ACACA: variants seen among roughly 807,000 people sequenced by gnomAD.
The protein encoded by ACACA is acetyl-CoA carboxylase 1.
A neutral mutation model predicts 296.1 loss-of-function variants in ACACA; 103 were observed. The ratio of observed to expected loss-of-function variants is 0.35; its 90% confidence interval spans 0.30 to 0.41. ACACA has a LOEUF of 0.41. ACACA is among the 10% of genes least tolerant of loss of function. ACACA has a pLI of 1.00. For missense variants in ACACA, 1,554 were observed against 2,989.7 expected (o/e 0.52, Z 11.20); for synonymous variants, 953 against 1,038.6 (o/e 0.92, Z 1.58).
chr17:37,403,100 C>G (rs1368307958), intron 1 of ACACA, among the ~76,000 whole-genome samples: 1 of 152,164 alleles, frequency 6.6e-6, no homozygotes, highest in Non-Finnish European at 1.5e-5. Context: ...GACACACAGC[C>G]AAATAAACAA....
chr17:37,223,709 G>C, intron 27 of ACACA, 108 bp from the exon 28 acceptor site: 1 of 809,578 alleles, frequency 1.2e-6, no homozygotes, highest in Non-Finnish European at 2.1e-6. Context: ...TTTTGTCTCT[G>C]AATGCCATAA....
chr17:37,282,365 T>C (rs1053630754), intron 5 of ACACA, among the ~76,000 whole-genome samples: 3 of 152,222 alleles, frequency 2.0e-5, no homozygotes, highest in Admixed American at 1.3e-4. Flanking sequence ...GTAAAGCCTG[T>C]AGAATTGTGA....
rs115269431 is a variant in ACACA at position 37,372,027 on chromosome 17, G to A, written c.39-32177C>T. Among the ~76,000 whole-genome samples, 917 of 152,230 alleles carry A rather than the reference G, an allele frequency of 6.0e-3. 6 individuals carry two copies. The highest frequency in any genetic ancestry group is 0.021 in the African/African-American group (866 of 41,532). On this transcript the variant is annotated intron_variant, in intron 1 of 55. Transcript: ENST00000616317. ...GAGCCAGGAGTTCAAGACCAGCTTCGGCAACATACTGAGACCCTGCCTCCA... is the reference window on the plus strand; with the variant it reads ...GAGCCAGGAGTTCAAGACCAGCTTCAGCAACATACTGAGACCCTGCCTCCA...
chr17:37,254,960 G>A (rs1350465599), intron 14 of ACACA, among the ~76,000 whole-genome samples: 1 of 152,074 alleles, frequency 6.6e-6, no homozygotes, highest in Non-Finnish European at 1.5e-5. Context: ...AATTAGCCAG[G>A]CATGGTGGCA....
chr17:37,166,469 T>G (rs1280996431), intron 41 of ACACA, among the ~76,000 whole-genome samples: 1 of 152,178 alleles, frequency 6.6e-6, no homozygotes, highest in Non-Finnish European at 1.5e-5. Flanking sequence ...TGAAAAATAC[T>G]TAACACCAAG....
intron 14 of ACACA, among the ~76,000 whole-genome samples, chr17:37,254,690 A>G (rs1192886134): frequency 6.6e-6 from 1 of 152,008 alleles, no homozygotes; most frequent in Non-Finnish European, 1.5e-5. Context: ...TGTTGAATAC[A>G]ATGAATGAAT....
At position 37,179,194 on chromosome 17, in the gene ACACA, C is replaced by T. The variant is rs1198670461; in HGVS notation, c.5079+66G>A. ...ATGCTCCAGTGCTATTTAATGACCACCTCACAGAAAGCTGGTACTAGTGGG... is the reference window on the plus strand; with the variant it reads ...ATGCTCCAGTGCTATTTAATGACCATCTCACAGAAAGCTGGTACTAGTGGG... On this transcript the variant is annotated intron_variant, in intron 41 of 55. Coordinates refer to ENST00000616317, the MANE Select transcript of ACACA (RefSeq NM_198834.3). 2.5e-6 allele frequency: 4 copies of T among 1,596,036 alleles called. No individual in the cohort carries two copies. In the East Asian group the frequency reaches 8.9e-5, roughly 36 times the overall value.
chr17:37,265,038 G>A (rs1276886899), intron 10 of ACACA, among the ~76,000 whole-genome samples: 1 of 152,188 alleles, frequency 6.6e-6, no homozygotes, highest in African/African-American at 2.4e-5. Flanking sequence ...AATGCAGGTG[G>A]CTTCTCATCC....
intron 54 of ACACA, among the ~76,000 whole-genome samples, chr17:37,095,811 A>G (rs1342957772): frequency 1.3e-5 from 2 of 152,252 alleles, no homozygotes; most frequent in African/African-American, 4.8e-5. Context: ...AATAAACAGA[A>G]ATAAAAGTTC....
Position 37,191,721 on chromosome 17 carries a change from A to T in ACACA, c.4416+369T>A, listed in dbSNP as rs750075636. On this transcript the variant is annotated intron_variant, in intron 37 of 55. Coordinates refer to ENST00000616317, the MANE Select transcript of ACACA (RefSeq NM_198834.3). ...GTACAATGGGATCACCTCTTTCCTA[A>T]CTTATCTCCTTATGCTCTACCATCA... 1.8e-4 allele frequency among the ~76,000 whole-genome samples: 28 copies of T among 152,190 alleles called. 1 individual carries two copies. In the South Asian group the frequency reaches 3.1e-3, roughly 17 times the overall value.
chr17:37,090,895 CAA>C (rs2142513880), intron 54 of ACACA, among the ~76,000 whole-genome samples: 2 of 150,704 alleles, frequency 1.3e-5, no homozygotes, highest in East Asian at 3.9e-4. Context: ...AAAAATAAAA[CAA>C]TAAATGCTTC....
intron 50 of ACACA, among the ~76,000 whole-genome samples, chr17:37,119,895 C>CTTTTT (rs36029062): frequency 6.0e-5 from 8 of 134,406 alleles, no homozygotes; most frequent in Admixed American, 1.5e-4. Context: ...TTCTTTCTTT[C>CTTTTT]TTTTTTTTTT....
intron 52 of ACACA, among the ~76,000 whole-genome samples, chr17:37,108,712 A>G (rs913883841): frequency 6.6e-6 from 1 of 152,134 alleles, no homozygotes; most frequent in African/African-American, 2.4e-5. Flanking sequence ...AACACAGTCA[A>G]TCAGTTGTGC....
At chr17:37,355,063 G>A (rs1204978862) in intron 1 of ACACA, among the ~76,000 whole-genome samples, 1 of 151,272 alleles carries the variant, frequency 6.6e-6, no homozygotes, top group Non-Finnish European at 1.5e-5. Context: ...GGCCAATATG[G>A]TGAAACCCCA....
chr17:37,276,921 A>AAAG, intron 7 of ACACA, 112 bp downstream of exon 7: 4 of 925,356 alleles, frequency 4.3e-6, no homozygotes, highest in Non-Finnish European at 5.4e-6. Flanking sequence ...GGGAAAAAAA[A>AAAG]AGAGAGAGAG....
chr17:37,200,272 A>C, intron 34 of ACACA, 89 bp from the exon 35 acceptor site: 4 of 1,374,518 alleles, frequency 2.9e-6, no homozygotes, highest in Non-Finnish European at 4.1e-6. Context: ...AAAGATGATG[A>C]GTTAAACTAA....
intron 39 of ACACA, among the ~76,000 whole-genome samples, chr17:37,186,255 A>G (rs1251269247): frequency 6.6e-6 from 1 of 152,244 alleles, no homozygotes; most frequent in African/African-American, 2.4e-5. Flanking sequence ...AAATTATTTT[A>G]GAAAATAATT....
chr17:37,352,000 G>C (rs539222323), intron 1 of ACACA, among the ~76,000 whole-genome samples: 1 of 148,994 alleles, frequency 6.7e-6, no homozygotes, highest in South Asian at 2.1e-4. Context: ...GCGCAATCTC[G>C]GCTCACTGCA....
chr17:37,237,129 T>C (rs1019324180), intron 24 of ACACA, among the ~76,000 whole-genome samples: 1 of 152,216 alleles, frequency 6.6e-6, no homozygotes, highest in Non-Finnish European at 1.5e-5. Context: ...ATGGAATCAC[T>C]GTACCATTTC....
Sources: gnomAD v4.1 joint callset for allele counts (sites outside exome capture counted in the v4.1 genomes callset) on GRCh38, gnomAD v4.1.1 for gene constraint, MANE v1.5 for transcripts, NCBI Gene and HGNC (gene_info 2026-07-23, HGNC 2026-07-21) for gene names.